MLXIP: variants seen among roughly 807,000 people sequenced by gnomAD.
The protein encoded by MLXIP is MLX-interacting protein.
In MLXIP, 30 loss-of-function variants were observed where a neutral mutation model predicts 87.2. The observed-to-expected ratio is 0.34, with a 90% CI of 0.26 to 0.47. The LOEUF is 0.47. Ranked by LOEUF, MLXIP falls within the 20% of genes least tolerant of loss-of-function variation. The pLI is 1.00. For synonymous variants in MLXIP, 530 were observed against 514.0 expected (o/e 1.03, Z -0.42); for missense variants, 1,002 against 1,240.1 (o/e 0.81, Z 2.88).
Position 122,130,070 on chromosome 12 carries a change from T to C in MLXIP, c.868T>C (p.Ser290Pro). ...EFSDTLFSTL[S>P]SHQPVAWPNP... ...CAGCGACACCCTCTTCTCCACACTT[T>C]CTTCACACCAGCCGGTGGCCTGGCC... The change falls in exon 6 of 17, where the codon TCT becomes CCT. Residue 290 changes from serine to proline, a missense_variant. Around this residue, in one of 3 missense-constraint regions of MLXIP, gnomAD observed 746 missense variants for 897.0 expected, o/e 0.83. Transcript: ENST00000319080. The C allele has an allele frequency of 1.9e-6, 3 of 1,613,950 alleles. No homozygotes were observed. Among genetic ancestry groups the C allele is most frequent in the Non-Finnish European group, 2.5e-6 (3 of 1,179,866 alleles).
chr12:122,093,000 GTA>G (rs2135908156), intron 1 of MLXIP, among the ~76,000 whole-genome samples: 1 of 147,260 alleles, frequency 6.8e-6, no homozygotes, highest in Non-Finnish European at 1.5e-5. Flanking sequence ...TGTGTTGTGT[GTA>G]TGTGTGGTGT....
At position 122,141,035 on chromosome 12, in the gene MLXIP, G is replaced by T; in HGVS notation, c.2590G>T (p.Ala864Ser). The change falls in exon 16 of 17, where the codon GCG becomes TCG. Residue 864 changes from alanine (A) to serine (S), a missense_variant. Transcript: ENST00000319080. ...CAGCCTGGAGGAGCTGCACCGGACG[G>T]CGCTCTCCTGGCTGGACCAGCACTG... ...TSSLEELHRT[A>S]LSWLDQHCSL... 1.2e-6 allele frequency: 2 copies of T among 1,613,668 alleles called. No homozygotes were observed. Among genetic ancestry groups the T allele is most frequent in the East Asian group, 2.2e-5 (1 of 44,886 alleles).
chr12:122,087,237 C>A (rs36169251), intron 1 of MLXIP, among the ~76,000 whole-genome samples: 1 of 152,098 alleles, frequency 6.6e-6, no homozygotes, highest in African/African-American at 2.4e-5. Context: ...TGTGCAGGCA[C>A]GGTTCTAGCC....
At chr12:122,084,132 A>G (rs1952130815) in intron 1 of MLXIP, among the ~76,000 whole-genome samples, 1 of 148,066 alleles carries the variant, frequency 6.8e-6, no homozygotes, top group East Asian at 2.0e-4. Flanking sequence ...CGGGAAGGAT[A>G]TCTCAGCCAG....
chr12:122,129,717 C>T (rs187169394), intron 5 of MLXIP, 88 bp downstream of exon 5: 42 of 1,519,764 alleles, frequency 2.8e-5, no homozygotes, highest in Middle Eastern at 1.7e-4. Flanking sequence ...CTGCAAAAGG[C>T]GGCAGGCCAT....
rs1953262622 is a variant in MLXIP at position 122,144,380 on chromosome 12, G to A, written c.*2568G>A. On this transcript the variant is annotated 3_prime_UTR_variant, in exon 17 of 17. Coordinates refer to ENST00000319080, the MANE Select transcript of MLXIP (RefSeq NM_014938.6). The stretch of plus-strand genomic sequence containing the variant: ...AAGGATCACTTGAGCTCAGGAGTTG[G>A]AGACCAACCCTGGCAACATAACAAG... The A allele has an allele frequency of 7.0e-6, 1 of 143,354 alleles. No homozygotes were observed. The highest frequency in any genetic ancestry group is 7.4e-5 in the Admixed American group (1 of 13,564). The allele number at this position is 143,354 out of a possible 1,614,324, so 8.9% of individuals were successfully genotyped here. A position where few individuals can be genotyped will look rare whatever the true frequency, so the allele number is the denominator to read the frequency against.
At position 122,145,301 on chromosome 12, in the gene MLXIP, G is replaced by C. The variant is rs1036792629; in HGVS notation, c.*3489G>C. On this transcript the variant is annotated 3_prime_UTR_variant, in exon 17 of 17. Coordinates refer to ENST00000319080, the MANE Select transcript of MLXIP (RefSeq NM_014938.6). ...GTCAGCCAGGGGAGTGGGGTCAGCC[G>C]TCAGCCAGCCCTCCCATTTCCCGCC... The C allele has an allele frequency of 1.3e-5, 2 of 152,338 alleles. No homozygotes were observed. Among genetic ancestry groups the C allele is most frequent in the Admixed American group, 6.5e-5 (1 of 15,286 alleles). 9.4% of individuals were successfully genotyped at this position (152,338 alleles called of 1,614,324 possible).
intron 1 of MLXIP, among the ~76,000 whole-genome samples, chr12:122,096,990 A>G (rs1389675936): frequency 6.6e-6 from 1 of 152,202 alleles, no homozygotes; most frequent in African/African-American, 2.4e-5. Context: ...GCTCTGAAAA[A>G]TGATTTAAGT....
chr12:122,084,367 G>C (rs1442890000), intron 1 of MLXIP, among the ~76,000 whole-genome samples: 4 of 152,184 alleles, frequency 2.6e-5, no homozygotes, highest in Non-Finnish European at 5.9e-5. Context: ...ACGCTGGTTG[G>C]TTCATTGCCC....
intron 1 of MLXIP, among the ~76,000 whole-genome samples, chr12:122,091,715 G>GA (rs1463688071): frequency 6.6e-6 from 1 of 152,110 alleles, no homozygotes; most frequent in Non-Finnish European, 1.5e-5. Context: ...TGTTTGTTAT[G>GA]AAAACCGTAA....
chr12:122,141,226 CTCAG>C (rs1248381135), intron 16 of MLXIP, 143 bp downstream of exon 16: 2 of 1,269,074 alleles, frequency 1.6e-6, no homozygotes, highest in African/African-American at 1.5e-5. Context: ...CCAGGAGGTC[CTCAG>C]TCAGGAGCGC....
At position 122,146,759 on chromosome 12, in the gene MLXIP, G is replaced by A. The variant is rs1281966435; in HGVS notation, c.*4947G>A. ...TGTTGGTTCTGCGCTCTGAACCTGG[G>A]TGTAGCTCATTTGAAGGACTCTCTT... On this transcript the variant is annotated 3_prime_UTR_variant, in exon 17 of 17. Coordinates refer to ENST00000319080, the MANE Select transcript of MLXIP (RefSeq NM_014938.6). 1 of 142,734 alleles carries A rather than the reference G, an allele frequency of 7.0e-6. No individual in the cohort carries two copies. The highest frequency in any genetic ancestry group is 1.5e-5 in the Non-Finnish European group (1 of 67,956). The allele number at this position is 142,734 out of a possible 1,614,324, so 8.8% of individuals were successfully genotyped here.
rs373759373 is a variant in MLXIP at position 122,137,660 on chromosome 12, C to A, written c.2154+70C>A. 1.3e-6 allele frequency: 2 copies of A among 1,584,136 alleles called. No individual in the cohort carries two copies. Among genetic ancestry groups the A allele is most frequent in the African/African-American group, 2.7e-5 (2 of 74,256 alleles). Reference sequence around the variant, plus strand: ...AGTGCAGGACATCAAGGATCTGTGTCTTGTCTGGAACGGAGACCTCAGACC... The same window carrying A: ...AGTGCAGGACATCAAGGATCTGTGTATTGTCTGGAACGGAGACCTCAGACC... On this transcript the variant is annotated intron_variant, in intron 12 of 16. Transcript: ENST00000319080. This position sits in a 1 kb window ranked among gnomAD's most constrained non-coding sequence, Gnocchi z 4.1.
chr12:122,083,637 C>A (rs1048239247), intron 1 of MLXIP, among the ~76,000 whole-genome samples: 1 of 152,200 alleles, frequency 6.6e-6, no homozygotes, highest in Admixed American at 6.5e-5. Context: ...TGGTCTCGAA[C>A]TCCCAACCTC....
intron 1 of MLXIP, among the ~76,000 whole-genome samples, chr12:122,110,966 A>G (rs983603257): frequency 1.3e-5 from 2 of 149,578 alleles, no homozygotes; most frequent in Non-Finnish European, 3.0e-5. Flanking sequence ...AGTCCCAGCT[A>G]CTCAGGAGGC....
intron 7 of MLXIP, among the ~76,000 whole-genome samples, chr12:122,131,254 A>T (rs965421797): frequency 6.6e-6 from 1 of 151,954 alleles, no homozygotes; most frequent in Non-Finnish European, 1.5e-5. Flanking sequence ...AGCACCTGCC[A>T]TTGTGACAGC....
intron 1 of MLXIP, among the ~76,000 whole-genome samples, chr12:122,099,911 C>T (rs1952412252): frequency 6.6e-6 from 1 of 152,164 alleles, no homozygotes; most frequent in Non-Finnish European, 1.5e-5. Flanking sequence ...ACATTTCCTC[C>T]CCAAGTCAGG....
In MLXIP at chr12:122,137,395, A is replaced by G. The variant is rs1953111942; in HGVS notation, c.2033-74A>G. 6.5e-7 allele frequency: 1 copy of G among 1,549,198 alleles called. No homozygotes were observed. Among genetic ancestry groups the G allele is most frequent in the East Asian group, 2.3e-5 (1 of 43,882 alleles). ...AGCAGCGAGCACCTCATAACCCTGC[A>G]GAGACCCCAGGCTGCCTCCTGGTGG... On this transcript the variant is annotated intron_variant, in intron 11 of 16. Coordinates refer to ENST00000319080, the MANE Select transcript of MLXIP (RefSeq NM_014938.6). This position sits in a 1 kb window ranked among gnomAD's most constrained non-coding sequence, Gnocchi z 4.1.
rs182289887 is a variant in MLXIP, at chr12:122,107,430, G to A, written c.414-19826G>A. Among the ~76,000 whole-genome samples the A allele has an allele frequency of 2.6e-5, 4 of 152,180 alleles. No homozygotes were observed. The East Asian group carries it at 5.8e-4, about 22-fold the overall frequency. On this transcript the variant is annotated intron_variant, in intron 1 of 16. Coordinates refer to ENST00000319080, the MANE Select transcript of MLXIP (RefSeq NM_014938.6). The stretch of plus-strand genomic sequence containing the variant: ...TCCCCCTCTTCCCATCCAGAGTCAC[G>A]GTGAGGCTTGGCCACAGTGGCCTAG...
Sources: allele counts gnomAD v4.1 joint callset (sites outside exome capture counted in the v4.1 genomes callset), GRCh38; gene constraint gnomAD v4.1.1; regional missense constraint gnomAD v4.1.1; non-coding constraint Gnocchi (gnomAD v3.1); transcripts MANE v1.5; gene names NCBI Gene and HGNC (gene_info 2026-07-23, HGNC 2026-07-21).